ATRX: variants seen among roughly 807,000 people sequenced by gnomAD.
ATRX encodes the protein chromatin remodeler ATRX.
ATRX carries 12 observed loss-of-function variants against 172.6 expected under a neutral mutation model. The observed-to-expected ratio is 0.07, with a 90% CI of 0.04 to 0.11. ATRX has a LOEUF of 0.11. ATRX is among the 10% of genes least tolerant of loss of function. ATRX has a pLI of 1.00. For synonymous variants in ATRX, 674 were observed against 594.7 expected (o/e 1.13, Z -1.94); for missense variants, 1,368 against 1,767.4 (o/e 0.77, Z 4.05).
intron 1 of ATRX, among the ~76,000 whole-genome samples, chrX:77,751,908 G>A (rs1402514423): frequency 1.8e-5 from 2 of 111,749 alleles, no homozygotes; most frequent in South Asian, 7.4e-4. Flanking sequence ...ATGCTGTTTT[G>A]GTTACTGGAG....
intron 1 of ATRX, among the ~76,000 whole-genome samples, chrX:77,741,419 TCTTGATAGTGAC>T (rs1222464173): frequency 1.9e-5 from 2 of 106,940 alleles, no homozygotes; most frequent in Non-Finnish European, 3.9e-5. Flanking sequence ...CTTTTTATTC[TCTTGATAGTGAC>T]CTTTTTTTTG....
At chrX:77,517,795 ACAC>A (rs1557039645) in intron 34 of ATRX, among the ~76,000 whole-genome samples, 2 of 112,126 alleles carry the variant, frequency 1.8e-5, no homozygotes, top group Non-Finnish European at 3.8e-5. Context: ...ACACAATTCA[ACAC>A]CACATTAAAA....
At chrX:77,651,757 G>C (rs2069253683) in intron 15 of ATRX, among the ~76,000 whole-genome samples, 1 of 111,229 alleles carries the variant, frequency 9.0e-6, no homozygotes, top group African/African-American at 3.3e-5. Flanking sequence ...CACTTGGGAG[G>C]CTGAGGCACA....
intron 1 of ATRX, among the ~76,000 whole-genome samples, chrX:77,728,465 A>G (rs1435715458): frequency 8.9e-6 from 1 of 112,008 alleles, no homozygotes; most frequent in Non-Finnish European, 1.9e-5. Flanking sequence ...ATTCCCCTAT[A>G]GAAACTTTTG....
intron 1 of ATRX, among the ~76,000 whole-genome samples, chrX:77,778,546 T>C (rs972939608): frequency 1.8e-4 from 20 of 108,163 alleles, no homozygotes; most frequent in Non-Finnish European, 3.1e-4. Flanking sequence ...CACGGTGAAA[T>C]CCCATCTCTA....
intron 2 of ATRX, among the ~76,000 whole-genome samples, chrX:77,712,178 T>A (rs1557161711): frequency 1.8e-5 from 2 of 112,212 alleles, no homozygotes; most frequent in East Asian, 5.6e-4. Context: ...GCTAAGAGGA[T>A]CCTTGGCTGA....
chrX:77,781,460 A>G (rs1316331325), intron 1 of ATRX, among the ~76,000 whole-genome samples: 1 of 108,365 alleles, frequency 9.2e-6, no homozygotes, highest in African/African-American at 3.3e-5. Context: ...AAAAAAAAAA[A>G]AAAAACTAGG....
intron 4 of ATRX, 127 bp from the exon 5 acceptor site, chrX:77,696,831 G>C (rs2072216190): frequency 1.5e-6 from 1 of 668,331 alleles, no homozygotes; most frequent in Admixed American, 2.8e-5. Context: ...GAATCACCTA[G>C]GGAAGCATGT....
rs782224374 is a variant in ATRX, at chrX:77,528,870, TAA to T, written c.6700-5471_6700-5470del. On this transcript the variant is annotated intron_variant, in intron 30 of 34. Coordinates refer to ENST00000373344, the MANE Select transcript of ATRX (RefSeq NM_000489.6). ...TGAGTAATAACAAATATCGCTGGGC[TAA>T]AAAAAAGCATGTTTTAACCCAAGGC... Among the ~76,000 whole-genome samples, 61 of 110,980 alleles carry T rather than the reference TAA, an allele frequency of 5.5e-4. 1 individual carries two copies. The highest frequency in any genetic ancestry group is 1.3e-4 in the Non-Finnish European group (7 of 52,882).
At chrX:77,523,506 C>T (rs2063294718) in intron 30 of ATRX, 105 bp from the exon 31 acceptor site, 1 of 824,337 alleles carries the variant, frequency 1.2e-6, no homozygotes, top group Non-Finnish European at 1.8e-6. Flanking sequence ...AACCTGATTG[C>T]TATATATATT....
intron 1 of ATRX, among the ~76,000 whole-genome samples, chrX:77,760,453 G>T (rs1386925953): frequency 1.2e-5 from 1 of 81,034 alleles, no homozygotes; most frequent in Non-Finnish European, 2.3e-5. Context: ...TCACACTCTG[G>T]GGACTGTTGT....
At chrX:77,646,405 A>C (rs2068916915) in intron 15 of ATRX, among the ~76,000 whole-genome samples, 1 of 111,771 alleles carries the variant, frequency 8.9e-6, no homozygotes, top group African/African-American at 3.3e-5. Flanking sequence ...CCAGGTTCTC[A>C]AAAAATGTAA....
Position 77,684,026 on chromosome X carries a change from T to C in ATRX, c.1230A>G (p.Glu410=), listed in dbSNP as rs1557142125. ...ADIKKAHLAL[E]EDLNSEFRAM... ...CTCGAAACTCGGAATTTAAGTCTTC[T>C]TCCAATGCAAGATGAGCCTTCTTAA... is the stretch of plus-strand genomic sequence containing the variant. The change falls in exon 9 of 35, where the codon GAA becomes GAG. Residue 410 remains glutamate, a synonymous_variant. Coordinates refer to ENST00000373344, the MANE Select transcript of ATRX (RefSeq NM_000489.6). 3 of 1,207,049 alleles carry C rather than the reference T, an allele frequency of 2.5e-6. No homozygotes were observed. The highest frequency in any genetic ancestry group is 3.4e-6 in the Non-Finnish European group (3 of 890,998).
intron 1 of ATRX, chrX:77,785,711 C>T (rs1046599052): frequency 1.9e-5 from 11 of 573,067 alleles, no homozygotes; most frequent in Admixed American, 6.6e-5. Flanking sequence ...AGGAGCCCGA[C>T]CAAGCGTCAC....
At chrX:77,769,637 T>C (rs951846984) in intron 1 of ATRX, among the ~76,000 whole-genome samples, 2 of 110,800 alleles carry the variant, frequency 1.8e-5, no homozygotes, top group East Asian at 2.8e-4. Context: ...CTGGGAGAGG[T>C]AGGCTTTAAT....
chrX:77,710,374 C>A (rs981538943), intron 2 of ATRX, among the ~76,000 whole-genome samples: 1 of 110,058 alleles, frequency 9.1e-6, no homozygotes, highest in African/African-American at 3.3e-5. Flanking sequence ...ATGCATGGGA[C>A]CAGAAGTGTT....
chrX:77,628,009 T>A (rs1447431542), intron 19 of ATRX, among the ~76,000 whole-genome samples: 1 of 111,995 alleles, frequency 8.9e-6, no homozygotes, highest in East Asian at 2.8e-4. Flanking sequence ...TTATAAATAA[T>A]TATACAGAAA....
Position 77,644,918 on chromosome X carries a change from G to T in ATRX, c.4557+7196C>A, listed in dbSNP as rs1280220440. Among the ~76,000 whole-genome samples the T allele has an allele frequency of 4.5e-5, 5 of 111,185 alleles. No homozygotes were observed. The East Asian group carries it at 1.4e-3, about 31-fold the overall frequency. On this transcript the variant is annotated intron_variant, in intron 15 of 34. Transcript: ENST00000373344. ...ACAAATACAGGAATGAACTCAAACT[G>T]GGATAAACTCAAATACGTATAGATC... is the stretch of plus-strand genomic sequence containing the variant.
At chrX:77,593,088 G>GT in intron 26 of ATRX, among the ~76,000 whole-genome samples, 1 of 108,964 alleles carries the variant, frequency 9.2e-6, no homozygotes, top group Non-Finnish European at 1.9e-5. Context: ...GCTGGGCATG[G>GT]TGGTGTGCGC....
Sources: gnomAD v4.1 joint callset for allele counts (sites outside exome capture counted in the v4.1 genomes callset) on GRCh38, gnomAD v4.1.1 for gene constraint, MANE v1.5 for transcripts, NCBI Gene and HGNC (gene_info 2026-07-23, HGNC 2026-07-21) for gene names.